The following CMC1 variants were observed in gnomAD, a reference collection of about 807,000 sequenced individuals.
CMC1 encodes C-X9-C motif containing 1, also known as COX assembly mitochondrial protein homolog.
A neutral mutation model predicts 14.1 loss-of-function variants in CMC1; 14 were observed. The ratio of observed to expected loss-of-function variants is 0.99; its 90% CI spans 0.66 to 1.55. The LOEUF is 1.55. Ranked by LOEUF, CMC1 falls within the 40% of genes most tolerant of loss-of-function variation. The pLI, the probability that CMC1 is intolerant of heterozygous loss-of-function variation, is 0.00. For missense variants in CMC1, 127 were observed against 123.8 expected, an observed-to-expected ratio of 1.03 and a Z score of -0.12; for synonymous variants, 50 against 38.4, an observed-to-expected ratio of 1.30 and a Z score of -1.12.
Position 28,324,371 on chromosome 3 carries a change from T to C in CMC1, c.*4742T>C, listed in dbSNP as rs1448918532. The C allele has an allele frequency of 1.3e-6, 2 of 1,579,508 alleles. No homozygotes were observed. The highest frequency in any genetic ancestry group is 3.6e-5 in the Admixed American group (2 of 55,636). On this transcript the variant is annotated 3_prime_UTR_variant, in exon 4 of 4. Transcript: ENST00000466830. ...CCATTTGGTAAGAGAGGGGGATGTC[T>C]TGTGTATGTTGCAGTAAAATTCATC...
chr3:28,242,374 C>A (rs912043911), intron 1 of CMC1, among the ~76,000 whole-genome samples: 6 of 152,192 alleles, frequency 3.9e-5, no homozygotes, highest in Admixed American at 1.3e-4. Flanking sequence ...CTCGAATTCC[C>A]GTCCTTGTGG....
At chr3:28,271,890 T>C (rs939359347) in intron 2 of CMC1, among the ~76,000 whole-genome samples, 10 of 152,242 alleles carry the variant, frequency 6.6e-5, no homozygotes, top group African/African-American at 2.4e-4. Context: ...GTATCGTCTC[T>C]GATTTCCTTG....
intron 1 of CMC1, 72 bp from the exon 2 acceptor site, chr3:28,263,219 C>A: frequency 9.6e-7 from 1 of 1,041,132 alleles, no homozygotes; most frequent in Non-Finnish European, 1.4e-6. Context: ...TTAAGTAAAC[C>A]AGAGTCTTAT....
Position 28,259,943 on chromosome 3 carries a change from T to G in CMC1, c.20-3348T>G, listed in dbSNP as rs1365729239. On this transcript the variant is annotated intron_variant, in intron 1 of 3. Transcript: ENST00000466830. ...TTCAGAGTTTTAGTATTAAGTATGA[T>G]GTAAGCTAGAAGATTTTTTGTAGAT... Among the ~76,000 whole-genome samples the G allele has an allele frequency of 5.3e-5, 8 of 152,312 alleles. No homozygotes were observed. In the East Asian group the frequency reaches 1.5e-3, roughly 29 times the overall value.
chr3:28,255,687 C>T (rs1027678861), intron 1 of CMC1, among the ~76,000 whole-genome samples: 4 of 136,378 alleles, frequency 2.9e-5, no homozygotes, highest in African/African-American at 1.1e-4. Context: ...ATTTTTGAAA[C>T]GTTGTTAAAA....
At chr3:28,258,200 C>G (rs1699525320) in intron 1 of CMC1, among the ~76,000 whole-genome samples, 1 of 150,336 alleles carries the variant, frequency 6.7e-6, no homozygotes, top group Non-Finnish European at 1.5e-5. Flanking sequence ...GGACTCAAGT[C>G]CTTTGTTATA....
chr3:28,274,276 T>A (rs1329467899), intron 2 of CMC1, among the ~76,000 whole-genome samples: 1 of 149,642 alleles, frequency 6.7e-6, no homozygotes, highest in Non-Finnish European at 1.5e-5. Context: ...TATTTAGTGC[T>A]TCTTTCAGGA....
chr3:28,283,613 C>G (rs1701026570), intron 2 of CMC1, among the ~76,000 whole-genome samples: 1 of 150,600 alleles, frequency 6.6e-6, no homozygotes, highest in Non-Finnish European at 1.5e-5. Flanking sequence ...TATTGTCTTG[C>G]TTTTATAGTT....
rs1401959303 is a variant in CMC1 at position 28,321,364 on chromosome 3, C to T, written c.*1735C>T. On this transcript the variant is annotated 3_prime_UTR_variant, in exon 4 of 4. Transcript: ENST00000466830. ...AGCTTTGATTAAAATCAGAAGTAGC[C>T]CACTTCATGTAGAAAATTCACTTAT... 2 of 151,356 alleles carry T rather than the reference C, an allele frequency of 1.3e-5. No individual in the cohort carries two copies. Among genetic ancestry groups the T allele is most frequent in the Non-Finnish European group, 3.0e-5 (2 of 67,548 alleles). 9.4% of individuals were successfully genotyped at this position (151,356 alleles called of 1,614,324 possible).
chr3:28,261,913 G>C (rs1374115268), intron 1 of CMC1, among the ~76,000 whole-genome samples: 1 of 152,120 alleles, frequency 6.6e-6, no homozygotes, highest in Non-Finnish European at 1.5e-5. Context: ...TAATATCTGA[G>C]TATTAAGTGG....
At chr3:28,286,947 A>G (rs1353004990) in intron 2 of CMC1, among the ~76,000 whole-genome samples, 3 of 152,216 alleles carry the variant, frequency 2.0e-5, no homozygotes, top group Non-Finnish European at 4.4e-5. Context: ...AAAGAGAAGA[A>G]TATATCCCAG....
rs76523838 is a variant in CMC1 at position 28,246,138 on chromosome 3, A to T, written c.19+4326A>T. Among the ~76,000 whole-genome samples the T allele has an allele frequency of 1.2e-4, 19 of 152,004 alleles. No individual in the cohort carries two copies. In the East Asian group the frequency reaches 3.5e-3, roughly 28 times the overall value. On this transcript the variant is annotated intron_variant, in intron 1 of 3. Transcript: ENST00000466830. ...ATTTTGATTTTATTATTGCCGCCATATCTCTAGAGTATCTTCTTAGACATA... is the reference window on the plus strand; with the variant it reads ...ATTTTGATTTTATTATTGCCGCCATTTCTCTAGAGTATCTTCTTAGACATA...
Position 28,311,165 on chromosome 3 carries a change from CT to C in CMC1, c.110-5157del, listed in dbSNP as rs879658154. Reference sequence around the variant, plus strand: ...TCTTTAGAAAATTGTCTGTGGTACTCTTTTTTTTTTTCTGTAGGGATGGGTG... The same window carrying C: ...TCTTTAGAAAATTGTCTGTGGTACTCTTTTTTTTTTCTGTAGGGATGGGTG... On this transcript the variant is annotated intron_variant, in intron 2 of 3. Transcript: ENST00000466830. Among the ~76,000 whole-genome samples, 24 of 146,230 alleles carry C rather than the reference CT, an allele frequency of 1.6e-4. No homozygotes were observed. The East Asian group carries it at 2.4e-3, about 14-fold the overall frequency.
chr3:28,295,019 G>A (rs1377849068), intron 2 of CMC1, among the ~76,000 whole-genome samples: 1 of 152,076 alleles, frequency 6.6e-6, no homozygotes, highest in Non-Finnish European at 1.5e-5. Context: ...CTGTAGACAG[G>A]AAGGAGCAAA....
At chr3:28,300,370 T>C (rs547621277) in intron 2 of CMC1, among the ~76,000 whole-genome samples, 2 of 152,284 alleles carry the variant, frequency 1.3e-5, no homozygotes, top group Admixed American at 6.5e-5. Context: ...AATTAAGCCA[T>C]AATTGCAGAA....
chr3:28,280,199 T>G (rs545756970), intron 2 of CMC1, among the ~76,000 whole-genome samples: 1 of 152,212 alleles, frequency 6.6e-6, no homozygotes, highest in Non-Finnish European at 1.5e-5. Context: ...ATTTATATAG[T>G]GTTTCAGAAT....
In CMC1 at chr3:28,316,491, T is replaced by A. The variant is rs564108238; in HGVS notation, c.200+68T>A. 1.2e-5 allele frequency: 10 copies of A among 807,254 alleles called. No homozygotes were observed. The South Asian group carries it at 1.5e-4, about 12-fold the overall frequency. 50.0% of individuals were successfully genotyped at this position (807,254 alleles called of 1,614,324 possible). The stretch of plus-strand genomic sequence containing the variant: ...GGTAGATAAGAGTATGTTACTTAAC[T>A]CATTACATGTAATATATTCTGTACC... On this transcript the variant is annotated intron_variant, in intron 3 of 3. Coordinates refer to ENST00000466830, the MANE Select transcript of CMC1 (RefSeq NM_182523.2).
intron 2 of CMC1, among the ~76,000 whole-genome samples, chr3:28,281,947 A>G (rs1431157924): frequency 6.6e-6 from 1 of 152,162 alleles, no homozygotes; most frequent in African/African-American, 2.4e-5. Flanking sequence ...TTAGGGGATT[A>G]ATGATGTAGA....
At chr3:28,247,282 T>A (rs760611904) in intron 1 of CMC1, among the ~76,000 whole-genome samples, 4 of 151,932 alleles carry the variant, frequency 2.6e-5, no homozygotes, top group Non-Finnish European at 5.9e-5. Flanking sequence ...GAACTGCATG[T>A]AATTTGGGTG....
Sources: allele counts gnomAD v4.1 joint callset (sites outside exome capture counted in the v4.1 genomes callset), GRCh38; gene constraint gnomAD v4.1.1; transcripts MANE v1.5; gene names NCBI Gene and HGNC (gene_info 2026-07-23, HGNC 2026-07-21).